CMTM4: variants seen among roughly 807,000 people sequenced by gnomAD.
CMTM4 encodes the protein CKLF-like MARVEL transmembrane domain-containing protein 4.
A neutral mutation model predicts 19.0 loss-of-function variants in CMTM4; 8 were observed. The observed-to-expected ratio is 0.42, with a 90% CI of 0.25 to 0.76. CMTM4 has a LOEUF of 0.76. CMTM4 is among the 30% of genes least tolerant of loss of function. The pLI is 0.27. For synonymous variants in CMTM4, 106 were observed against 121.1 expected, an observed-to-expected ratio of 0.88 and a Z score of 0.82; for missense variants, 228 against 290.2, an observed-to-expected ratio of 0.79 and a Z score of 1.56.
intron 1 of CMTM4, among the ~76,000 whole-genome samples, chr16:66,681,317 T>A (rs1396344711): frequency 1.5e-5 from 2 of 134,026 alleles, no homozygotes; most frequent in African/African-American, 5.8e-5. Flanking sequence ...CTATTAAATC[T>A]TTTTTTTTTT....
chr16:66,683,167 A>ACG (rs2016958083), intron 1 of CMTM4, among the ~76,000 whole-genome samples: 1 of 84,436 alleles, frequency 1.2e-5, no homozygotes, highest in African/African-American at 3.8e-5. Context: ...ATACGTATAT[A>ACG]TATATATACA....
At chr16:66,628,410 G>A (rs561811961) in intron 2 of CMTM4, among the ~76,000 whole-genome samples, 1 of 152,328 alleles carries the variant, frequency 6.6e-6, no homozygotes, top group Admixed American at 6.5e-5. Flanking sequence ...GCTTTCCAAG[G>A]CAGAGGTCCC....
intron 1 of CMTM4, among the ~76,000 whole-genome samples, chr16:66,663,261 CAT>C (rs2016530233): frequency 6.6e-6 from 1 of 152,158 alleles, no homozygotes. Context: ...AATCTCAATT[CAT>C]ATGGAAAAAG....
chr16:66,675,115 C>G (rs1189503605), intron 1 of CMTM4, among the ~76,000 whole-genome samples: 2 of 147,970 alleles, frequency 1.4e-5, no homozygotes, highest in South Asian at 2.1e-4. Flanking sequence ...GAGTCTCACT[C>G]TGTTGGCCAG....
chr16:66,623,565 CT>C, intron 2 of CMTM4, 63 bp from the exon 3 acceptor site: 1 of 1,238,586 alleles, frequency 8.1e-7, no homozygotes, highest in South Asian at 1.4e-5. Context: ...CTAAAAGCAA[CT>C]GGAGAACTTT....
At chr16:66,660,568 C>T (rs1176014169) in intron 1 of CMTM4, among the ~76,000 whole-genome samples, 1 of 152,048 alleles carries the variant, frequency 6.6e-6, no homozygotes, top group South Asian at 2.1e-4. Flanking sequence ...TGAACAAATA[C>T]GGAGACAGTG....
At chr16:66,683,147 G>GTATATA (rs1336410232) in intron 1 of CMTM4, among the ~76,000 whole-genome samples, 1 of 96,422 alleles carries the variant, frequency 1.0e-5, no homozygotes, top group Non-Finnish European at 2.1e-5. Flanking sequence ...ATATATATAT[G>GTATATA]TATATATATA....
At chr16:66,651,289 C>T (rs1006459749) in intron 1 of CMTM4, among the ~76,000 whole-genome samples, 3 of 152,160 alleles carry the variant, frequency 2.0e-5, no homozygotes, top group African/African-American at 7.2e-5. Context: ...TTAAGCCACT[C>T]TTTATACACA....
rs914380889 is a variant in CMTM4, at chr16:66,617,311, T to C, written c.*4747A>G. On this transcript the variant is annotated 3_prime_UTR_variant, in exon 4 of 4. Coordinates refer to ENST00000394106, the MANE Select transcript of CMTM4 (RefSeq NM_181521.3). ...TTGCCAGTGATTCAAACTCAGCAGGTTTGTGGGTGATTTTTTCCTTACTGT... is the reference window on the plus strand; with the variant it reads ...TTGCCAGTGATTCAAACTCAGCAGGCTTGTGGGTGATTTTTTCCTTACTGT... The C allele has an allele frequency of 6.2e-7, 1 of 1,614,030 alleles. No homozygotes were observed. The highest frequency in any genetic ancestry group is 1.3e-5 in the African/African-American group (1 of 74,892).
chr16:66,670,439 C>CAA (rs35296025), intron 1 of CMTM4, among the ~76,000 whole-genome samples: 24 of 91,358 alleles, frequency 2.6e-4, no homozygotes, highest in African/African-American at 6.6e-4. Flanking sequence ...GACTCTGTCT[C>CAA]AAAAAAAAAA....
In CMTM4 at chr16:66,620,883, C is replaced by G; in HGVS notation, c.*1175G>C. On this transcript the variant is annotated 3_prime_UTR_variant, in exon 4 of 4. Coordinates refer to ENST00000394106, the MANE Select transcript of CMTM4 (RefSeq NM_181521.3). ...GGACTCACTGAACTCATTCACCACACACAATAATCTTCACTTTATCAAGAA... is the reference window on the plus strand; with the variant it reads ...GGACTCACTGAACTCATTCACCACAGACAATAATCTTCACTTTATCAAGAA... The G allele has an allele frequency of 2.0e-6, 2 of 985,756 alleles. No homozygotes were observed. The highest frequency in any genetic ancestry group is 2.4e-6 in the Non-Finnish European group (2 of 829,932). 61.1% of individuals were successfully genotyped at this position (985,756 alleles called of 1,614,324 possible). A position where few individuals can be genotyped will look rare whatever the true frequency, so the allele number is the denominator to read the frequency against.
chr16:66,656,327 A>C (rs1885173311), intron 1 of CMTM4, among the ~76,000 whole-genome samples: 1 of 152,122 alleles, frequency 6.6e-6, no homozygotes. Context: ...TCATCAATGG[A>C]CATTAAAACT....
At chr16:66,608,335 C>G in the CMTM4 span, 1 of 1,614,222 alleles carries the variant, frequency 6.2e-7, no homozygotes, top group Non-Finnish European at 8.5e-7. The surrounding 1 kb of genome is among the most constrained non-coding windows in gnomAD (Gnocchi z 5.1). Flanking sequence ...CTTTTATCTG[C>G]TATGTGGCGT....
intron 2 of CMTM4, among the ~76,000 whole-genome samples, chr16:66,633,330 A>G (rs2015920158): frequency 6.6e-6 from 1 of 151,726 alleles, no homozygotes. Flanking sequence ...ATCTATACCA[A>G]TCACACCCTA....
chr16:66,613,904 C>T (rs1414981730), downstream of CMTM4: 1 of 151,660 alleles, frequency 6.6e-6, no homozygotes, highest in Non-Finnish European at 1.5e-5. Flanking sequence ...CCTTTATTTC[C>T]CTAACCTTTT....
chr16:66,688,339 A>C (rs2017073457), intron 1 of CMTM4, among the ~76,000 whole-genome samples: 1 of 152,212 alleles, frequency 6.6e-6, no homozygotes, highest in South Asian at 2.1e-4. Context: ...TGGTGTCTTG[A>C]GACGCTGAGC....
chr16:66,611,455 A>G (rs115935985), downstream of CMTM4, among the ~76,000 whole-genome samples: 79 of 151,602 alleles, frequency 5.2e-4, no homozygotes, highest in South Asian at 2.1e-4. Context: ...TCTCGGGGGG[A>G]AAAAATTGAA....
the CMTM4 span, chr16:66,604,699 G>C: frequency 2.3e-6 from 2 of 886,490 alleles, no homozygotes; most frequent in Non-Finnish European, 2.9e-6. Flanking sequence ...GCCCCTGCGC[G>C]AGCCAGTGTC....
In CMTM4 at chr16:66,622,350, T is replaced by C; in HGVS notation, c.463-128A>G. 5.1e-6 allele frequency: 5 copies of C among 989,574 alleles called. No homozygotes were observed. The South Asian group carries it at 6.4e-5, about 13-fold the overall frequency. The allele number at this position is 989,574 out of a possible 1,614,324, so 61.3% of individuals were successfully genotyped here. On this transcript the variant is annotated intron_variant, in intron 3 of 3. Transcript: ENST00000394106. This position sits in a 1 kb window ranked among gnomAD's most constrained non-coding sequence, Gnocchi z 4.0. ...TGATCATTACAACCCTGTGCCTTCA[T>C]TCCTTGATCTCTTCCCCCTCTCAGC...
Sources: allele counts gnomAD v4.1 joint callset (sites outside exome capture counted in the v4.1 genomes callset), GRCh38; gene constraint gnomAD v4.1.1; non-coding constraint Gnocchi (gnomAD v3.1); transcripts MANE v1.5; gene names NCBI Gene and HGNC (gene_info 2026-07-23, HGNC 2026-07-21).